Variants in ENPP3 observed in about 807,000 individuals in gnomAD.
ENPP3 encodes ectonucleotide pyrophosphatase/phosphodiesterase 3.
ENPP3 carries 104 observed loss-of-function variants against 117.8 expected under a neutral mutation model. That is an observed-to-expected ratio of 0.88 (90% confidence interval 0.75 to 1.04). The LOEUF is 1.04. Ranked by LOEUF, ENPP3 falls within the 50% of genes least tolerant of loss-of-function variation. ENPP3 has a pLI of 0.00. For synonymous variants in ENPP3, 380 were observed against 349.9 expected (o/e 1.09, Z -0.96); for missense variants, 1,026 against 1,051.9 (o/e 0.98, Z 0.34).
At chr6:131,648,099 A>G (rs1376225791) in intron 2 of ENPP3, among the ~76,000 whole-genome samples, 2 of 151,832 alleles carry the variant, frequency 1.3e-5, no homozygotes, top group African/African-American at 4.8e-5. Flanking sequence ...TGTATATCTC[A>G]TTGATTTGTT....
chr6:131,668,334 C>G (rs1438282335), intron 6 of ENPP3, among the ~76,000 whole-genome samples: 1 of 148,628 alleles, frequency 6.7e-6, no homozygotes, highest in Non-Finnish European at 1.5e-5. Flanking sequence ...TGTCTCGCCC[C>G]CCCCTGAGGA....
At chr6:131,666,700 T>C (rs1455028386) in intron 6 of ENPP3, among the ~76,000 whole-genome samples, 3 of 152,256 alleles carry the variant, frequency 2.0e-5, no homozygotes, top group Non-Finnish European at 4.4e-5. Flanking sequence ...AGGAAAATTG[T>C]ATCTCTGCTT....
chr6:131,685,454 C>G lies in ENPP3; in HGVS notation c.1211C>G (p.Pro404Arg). 3 of 1,613,888 alleles carry G rather than the reference C, an allele frequency of 1.9e-6. No homozygotes were observed. Among genetic ancestry groups the G allele is most frequent in the Non-Finnish European group, 2.5e-6 (3 of 1,179,928 alleles). Residue 404 changes from proline to arginine, a missense_variant, in exon 13 of 25, where the codon CCC becomes CGC. Coordinates refer to ENST00000357639, the MANE Select transcript of ENPP3 (RefSeq NM_005021.5). ...NFFYMYEGPA[P>R]RIRAHNIPHD... Reference sequence around the variant, plus strand: ...TTCTACATGTACGAAGGGCCTGCCCCCCGCATCCGAGCTCATAATATACCT... The same window carrying G: ...TTCTACATGTACGAAGGGCCTGCCCGCCGCATCCGAGCTCATAATATACCT...
At chr6:131,734,318 A>G (rs2114562662) in intron 21 of ENPP3, among the ~76,000 whole-genome samples, 1 of 152,206 alleles carries the variant, frequency 6.6e-6, no homozygotes, top group East Asian at 1.9e-4. Flanking sequence ...CTCTCTTGGG[A>G]ACCTGCCAAA....
chr6:131,746,032 T>C (rs566617624), intron 24 of ENPP3, among the ~76,000 whole-genome samples: 1 of 150,846 alleles, frequency 6.6e-6, no homozygotes, highest in Non-Finnish European at 1.5e-5. Context: ...GAGGCTGGAG[T>C]GCAGTGAGCC....
At chr6:131,724,711 A>G (rs1418463818) in intron 19 of ENPP3, among the ~76,000 whole-genome samples, 2 of 152,158 alleles carry the variant, frequency 1.3e-5, no homozygotes, top group Non-Finnish European at 2.9e-5. Context: ...TAGTAAATGT[A>G]CTAGTTGTTT....
Position 131,663,884 on chromosome 6 carries a change from T to A in ENPP3, c.562+5464T>A, listed in dbSNP as rs139611717. ...TGATAATAAATGACTGTTACTGGTT[T>A]ATGTATTTACTATACTATACTCTTT... On this transcript the variant is annotated intron_variant, in intron 6 of 24. Coordinates refer to ENST00000357639, the MANE Select transcript of ENPP3 (RefSeq NM_005021.5). 2.3e-3 allele frequency among the ~76,000 whole-genome samples: 353 copies of A among 152,274 alleles called. 1 individual carries two copies. The highest frequency in any genetic ancestry group is 8.1e-3 in the African/African-American group (338 of 41,572).
At chr6:131,691,070 G>T (rs1052434245) in intron 14 of ENPP3, among the ~76,000 whole-genome samples, 10 of 152,024 alleles carry the variant, frequency 6.6e-5, no homozygotes, top group African/African-American at 2.4e-4. Context: ...CACAGATATG[G>T]ACTGGACCTA....
intron 15 of ENPP3, among the ~76,000 whole-genome samples, chr6:131,706,965 A>G (rs1364576266): frequency 6.6e-6 from 1 of 152,016 alleles, no homozygotes; most frequent in Non-Finnish European, 1.5e-5. Context: ...ATAAATTGGG[A>G]AATGCTCTCT....
intron 15 of ENPP3, among the ~76,000 whole-genome samples, chr6:131,696,290 A>G (rs1293005009): frequency 1.3e-5 from 2 of 152,252 alleles, no homozygotes; most frequent in South Asian, 2.1e-4. Context: ...GAGATAACCA[A>G]CAAAGTACCT....
chr6:131,694,975 G>A (rs935244005), intron 15 of ENPP3, among the ~76,000 whole-genome samples: 2 of 134,154 alleles, frequency 1.5e-5, no homozygotes, highest in Non-Finnish European at 3.1e-5. Context: ...TATTCTGTAA[G>A]ATAACCTGGA....
At chr6:131,653,369 A>G (rs1221833329) in intron 5 of ENPP3, among the ~76,000 whole-genome samples, 1 of 150,520 alleles carries the variant, frequency 6.6e-6, no homozygotes, top group East Asian at 2.0e-4. Flanking sequence ...GCTGCTCTCA[A>G]ACTCTTGAGT....
chr6:131,679,468 C>A (rs944469427), intron 11 of ENPP3, among the ~76,000 whole-genome samples: 3 of 149,286 alleles, frequency 2.0e-5, no homozygotes, highest in African/African-American at 7.4e-5. Context: ...TATTTGCATT[C>A]ATTGCACCTT....
At position 131,738,041 on chromosome 6, in the gene ENPP3, C is replaced by T; in HGVS notation, c.2178C>T (p.Asp726=). 1.3e-6 allele frequency: 2 copies of T among 1,587,492 alleles called. No individual in the cohort carries two copies. Among genetic ancestry groups the T allele is most frequent in the Non-Finnish European group, 1.7e-6 (2 of 1,166,410 alleles). ...PMYEEFRKMW[D]YFHSVLLIKH... The stretch of plus-strand genomic sequence containing the variant: ...TGATTTTATTTTTAGAAATGTGGGA[C>T]TACTTCCACAGTGTTCTTCTTATAA... The change falls in exon 23 of 25, where the codon GAC becomes GAT. Residue 726 remains aspartate, a synonymous_variant. Transcript: ENST00000357639.
chr6:131,673,028 A>G (rs182838323), intron 7 of ENPP3, among the ~76,000 whole-genome samples: 2 of 152,286 alleles, frequency 1.3e-5, no homozygotes, highest in East Asian at 3.9e-4. Flanking sequence ...ATTCCTTGCT[A>G]TTATTGATAA....
rs1389239204 is a variant in ENPP3 at position 131,747,018 on chromosome 6, GA to G, written c.*63del. 1 of 858,126 alleles carries G rather than the reference GA, an allele frequency of 1.2e-6. No individual in the cohort carries two copies. Among genetic ancestry groups the G allele is most frequent in the African/African-American group, 1.8e-5 (1 of 55,756 alleles). The allele number at this position is 858,126 out of a possible 1,614,324, so 53.2% of individuals were successfully genotyped here. A position where few individuals can be genotyped will look rare whatever the true frequency, so the allele number is the denominator to read the frequency against. On this transcript the variant is annotated 3_prime_UTR_variant, in exon 25 of 25. Transcript: ENST00000357639. ...AAAGTAATTTTGGCAAAATATAAGTGATTTTTTTCTGGAGAATTGTAAAATA... is the reference window on the plus strand; with the variant it reads ...AAAGTAATTTTGGCAAAATATAAGTGTTTTTTTCTGGAGAATTGTAAAATA...
chr6:131,660,275 G>C (rs1191168573), intron 6 of ENPP3, among the ~76,000 whole-genome samples: 1 of 152,158 alleles, frequency 6.6e-6, no homozygotes, highest in Non-Finnish European at 1.5e-5. Flanking sequence ...TATTAAGGGA[G>C]CCCAGGGCCC....
chr6:131,669,655 C>CAAAAAAAAAAAAAAAAA (rs67597128), intron 6 of ENPP3, among the ~76,000 whole-genome samples: 3 of 61,712 alleles, frequency 4.9e-5, no homozygotes, highest in African/African-American at 1.3e-4. Context: ...GACTCCATCT[C>CAAAAAAAAAAAAAAAAA]AAAAAAAAAA....
intron 6 of ENPP3, among the ~76,000 whole-genome samples, chr6:131,670,928 T>C (rs533826732): frequency 4.1e-4 from 62 of 152,312 alleles, no homozygotes; most frequent in Admixed American, 1.0e-3. Flanking sequence ...ATTTATTGTC[T>C]ATGGATGCTT....
Sources: allele counts gnomAD v4.1 joint callset (sites outside exome capture counted in the v4.1 genomes callset), GRCh38; gene constraint gnomAD v4.1.1; transcripts MANE v1.5; gene names NCBI Gene and HGNC (gene_info 2026-07-23, HGNC 2026-07-21).